The following AHR variants were observed in gnomAD, a reference collection of about 807,000 sequenced individuals.
AHR encodes aryl hydrocarbon receptor.
Under a neutral mutation model 86.8 loss-of-function variants are expected in AHR, and 40 were observed. The observed-to-expected ratio is 0.46, with a 90% CI of 0.36 to 0.60. The LOEUF is 0.60. Ranked by LOEUF, AHR falls within the 20% of genes least tolerant of loss-of-function variation. The probability of loss-of-function intolerance (pLI) is 0.00; values close to 1 mark genes in which losing one functional copy is unlikely to be tolerated. For missense variants in AHR, 1,001 were observed against 1,011.6 expected, an observed-to-expected ratio of 0.99 and a Z score of 0.14; for synonymous variants, 398 against 354.9, an observed-to-expected ratio of 1.12 and a Z score of -1.37.
chr7:17,302,756 A>C (rs1480777307), intron 1 of AHR, among the ~76,000 whole-genome samples: 2 of 151,912 alleles, frequency 1.3e-5, no homozygotes, highest in South Asian at 4.1e-4. Flanking sequence ...CCAATAAAGC[A>C]CGACAGTCAG....
At chr7:17,306,754 A>G (rs1205749517) in intron 1 of AHR, among the ~76,000 whole-genome samples, 3 of 152,120 alleles carry the variant, frequency 2.0e-5, no homozygotes, top group Non-Finnish European at 4.4e-5. Context: ...CTTACTTCCT[A>G]TAGTGAGTTA....
chr7:17,342,785 T>C, intron 10 of AHR, 136 bp from the exon 11 acceptor site: 1 of 774,420 alleles, frequency 1.3e-6, no homozygotes, highest in Non-Finnish European at 2.0e-6. Context: ...AGATTTAAAA[T>C]TTAGCAACAG....
chr7:17,299,139 G>A lies in AHR; in HGVS notation c.-126G>A. On this transcript the variant is annotated 5_prime_UTR_variant, in exon 1 of 11. Coordinates refer to ENST00000242057, the MANE Select transcript of AHR (RefSeq NM_001621.5). ...GCCCACGCCACTGTCCCGAGAGGAC[G>A]CAGGTGGAGCGGGCGCGGCTTCGCG... 9.8e-7 allele frequency: 1 copy of A among 1,024,664 alleles called. No homozygotes were observed. Among genetic ancestry groups the A allele is most frequent in the Non-Finnish European group, 1.4e-6 (1 of 736,226 alleles). 63.5% of individuals were successfully genotyped at this position (1,024,664 alleles called of 1,614,324 possible). A position where few individuals can be genotyped will look rare whatever the true frequency, so the allele number is the denominator to read the frequency against.
chr7:17,306,818 T>G (rs62446363), intron 1 of AHR, among the ~76,000 whole-genome samples: 6,983 of 152,256 alleles, frequency 0.046, 236 homozygotes, highest in Non-Finnish European at 0.073. Context: ...AAGCCAGTCC[T>G]TTCTTAACCT....
At chr7:17,341,331 G>A (rs1782421515) in intron 10 of AHR, among the ~76,000 whole-genome samples, 1 of 152,110 alleles carries the variant, frequency 6.6e-6, no homozygotes, top group Admixed American at 6.5e-5. Context: ...ATAATATTCA[G>A]TTATAGTCCG....
intron 1 of AHR, among the ~76,000 whole-genome samples, chr7:17,305,432 G>C (rs1781995790): frequency 6.6e-6 from 1 of 152,132 alleles, no homozygotes; most frequent in Non-Finnish European, 1.5e-5. Context: ...ATGGTAGGGG[G>C]ATTTTATTGA....
At position 17,339,023 on chromosome 7, in the gene AHR, A is replaced by G; in HGVS notation, c.1198A>G (p.Thr400Ala). 6.2e-7 allele frequency: 1 copy of G among 1,614,110 alleles called. No individual in the cohort carries two copies. Residue 400 changes from threonine to alanine, a missense_variant, in exon 10 of 11, where the codon ACG (threonine) becomes GCG (alanine). Thr to Ala is a moderately conservative substitution (Grantham distance 58, BLOSUM62 0). This residue lies in a region of AHR where 607 missense variants were observed against 543.1 expected (regional missense o/e 1.12). Transcript: ENST00000242057. ...AACAGAGCATTTACGAAAACGAAAT[A>G]CGAAGTTGCCTTTTATGTTTACCAC... ...EGTEHLRKRN[T>A]KLPFMFTTGE... is the part of the protein sequence containing the mutation.
intron 3 of AHR, among the ~76,000 whole-genome samples, chr7:17,326,725 G>A (rs569092385): frequency 1.1e-3 from 175 of 152,228 alleles, no homozygotes; most frequent in African/African-American, 3.8e-3. Context: ...AAGCCACACA[G>A]CTAGTAATAG....
intron 1 of AHR, among the ~76,000 whole-genome samples, chr7:17,305,028 G>C (rs1304842200): frequency 1.3e-5 from 2 of 152,028 alleles, no homozygotes; most frequent in Non-Finnish European, 2.9e-5. Flanking sequence ...CTAATGTCTT[G>C]TGCTAGAAAC....
rs192097525 is a variant in AHR, at chr7:17,345,977, A to G, written c.*2913A>G. On this transcript the variant is annotated 3_prime_UTR_variant, in exon 11 of 11. Transcript: ENST00000242057. ...AAGCTTTCAACATTACTATGCACAA[A>G]CTAGTGTTTTTCGATGTTACTAAAT... 678 of 152,776 alleles carry G rather than the reference A, an allele frequency of 4.4e-3. 3 individuals carry two copies. The highest frequency in any genetic ancestry group is 7.5e-3 in the Non-Finnish European group (511 of 67,986). 9.5% of individuals were successfully genotyped at this position (152,776 alleles called of 1,614,324 possible).
intron 2 of AHR, among the ~76,000 whole-genome samples, chr7:17,314,503 CT>C (rs1405559348): frequency 6.6e-6 from 1 of 151,940 alleles, no homozygotes; most frequent in Non-Finnish European, 1.5e-5. Flanking sequence ...CTTGGTCTTC[CT>C]TTTGCAGATG....
chr7:17,312,036 C>T (rs954361596), intron 2 of AHR, among the ~76,000 whole-genome samples: 37 of 152,186 alleles, frequency 2.4e-4, no homozygotes, highest in African/African-American at 8.7e-4. Flanking sequence ...CCTGTGGAAT[C>T]TAAGGTGGTG....
rs755187466 is a variant in AHR at position 17,339,033 on chromosome 7, C to G, written c.1208C>G (p.Pro403Arg). The G allele has an allele frequency of 6.2e-7, 1 of 1,613,956 alleles. No homozygotes were observed. Among genetic ancestry groups the G allele is most frequent in the East Asian group, 2.2e-5 (1 of 44,884 alleles). Reference protein sequence around the residue: ...EHLRKRNTKLPFMFTTGEAVL... With the variant: ...EHLRKRNTKLRFMFTTGEAVL... ...TTACGAAAACGAAATACGAAGTTGC[C>G]TTTTATGTTTACCACTGGAGAAGCT... The change falls in exon 10 of 11, where the codon CCT becomes CGT. Residue 403 changes from proline to arginine, a missense_variant. Pro to Arg is a moderately radical substitution (Grantham distance 103). Coordinates refer to ENST00000242057, the MANE Select transcript of AHR (RefSeq NM_001621.5).
intron 2 of AHR, among the ~76,000 whole-genome samples, chr7:17,319,108 A>T (rs1282404757): frequency 1.3e-5 from 2 of 152,110 alleles, no homozygotes; most frequent in Non-Finnish European, 2.9e-5. Flanking sequence ...CCTATTAGAT[A>T]CTAATTACTG....
Position 17,299,183 on chromosome 7 carries a change from C to T in AHR, c.-82C>T, listed in dbSNP as rs1781925976. 3.4e-6 allele frequency: 5 copies of T among 1,457,582 alleles called. No homozygotes were observed. The highest frequency in any genetic ancestry group is 9.1e-7 in the Non-Finnish European group (1 of 1,099,426). The allele number at this position is 1,457,582 out of a possible 1,614,324, so 90.3% of individuals were successfully genotyped here. On this transcript the variant is annotated 5_prime_UTR_variant, in exon 1 of 11. Transcript: ENST00000242057. ...CTTCGCGGAACCCGGCGCCGGCCGC[C>T]GCAGTGGTCCCAGCCTACACCGGGT...
chr7:17,333,862 TTTATA>T, intron 6 of AHR, 45 bp from the exon 7 acceptor site: 1 of 1,504,456 alleles, frequency 6.6e-7, no homozygotes, highest in South Asian at 1.1e-5. Context: ...AAGGCACTAT[TTTATA>T]TTGTTAATTT....
chr7:17,334,148 A>T (rs1181926487), intron 7 of AHR, 34 bp downstream of exon 7: 9 of 1,537,446 alleles, frequency 5.9e-6, no homozygotes, highest in Non-Finnish European at 8.1e-6. Flanking sequence ...ATTTTATTGG[A>T]TGTACATTAT....
chr7:17,337,453 G>A (rs890550680), intron 9 of AHR, among the ~76,000 whole-genome samples: 5 of 151,422 alleles, frequency 3.3e-5, no homozygotes, highest in South Asian at 4.2e-4. Context: ...TTACTGAAGG[G>A]GGGCATCTTT....
intron 3 of AHR, among the ~76,000 whole-genome samples, chr7:17,323,780 T>A (rs1458882785): frequency 6.6e-6 from 1 of 152,206 alleles, no homozygotes; most frequent in Non-Finnish European, 1.5e-5. Flanking sequence ...AGTAAATCTA[T>A]TAAAGCATGA....
Sources: gnomAD v4.1 joint callset for allele counts (sites outside exome capture counted in the v4.1 genomes callset) on GRCh38, gnomAD v4.1.1 for gene constraint, gnomAD v4.1.1 regional missense constraint, MANE v1.5 for transcripts, NCBI Gene and HGNC (gene_info 2026-07-23, HGNC 2026-07-21) for gene names.